Variants in PTPRT observed in about 807,000 individuals in gnomAD.
PTPRT encodes protein tyrosine phosphatase receptor type T, also known as receptor-type tyrosine-protein phosphatase T.
PTPRT carries 56 observed loss-of-function variants against 176.8 expected under a neutral mutation model. The observed-to-expected ratio is 0.32, with a 90% CI of 0.26 to 0.40. The LOEUF is 0.40. Ranked by LOEUF, PTPRT falls within the 10% of genes least tolerant of loss-of-function variation. The pLI is 1.00. For missense variants in PTPRT, 1,540 were observed against 1,908.2 expected (o/e 0.81, Z 3.60); for synonymous variants, 783 against 739.0 (o/e 1.06, Z -0.96).
chr20:43,015,353 T>C (rs971521758), intron 1 of PTPRT, among the ~76,000 whole-genome samples: 1 of 152,176 alleles, frequency 6.6e-6, no homozygotes, highest in African/African-American at 2.4e-5. Flanking sequence ...AAACAGAACA[T>C]AGTAGGTGTG....
intron 1 of PTPRT, among the ~76,000 whole-genome samples, chr20:42,950,902 G>T (rs1057270863): frequency 2.0e-5 from 3 of 152,176 alleles, no homozygotes; most frequent in African/African-American, 7.2e-5. Flanking sequence ...TTTAGATGAA[G>T]GTCCAAATTT....
intron 9 of PTPRT, among the ~76,000 whole-genome samples, chr20:42,391,600 C>T (rs537472875): frequency 4.8e-4 from 73 of 152,180 alleles, no homozygotes; most frequent in African/African-American, 1.4e-3. Context: ...TGATAGGGTA[C>T]GCCACAGTTT....
intron 21 of PTPRT, among the ~76,000 whole-genome samples, chr20:42,117,016 C>G (rs935051552): frequency 6.6e-6 from 1 of 152,190 alleles, no homozygotes; most frequent in Non-Finnish European, 1.5e-5. Context: ...GGAGTGACCA[C>G]AAGCACTGGA....
intron 13 of PTPRT, among the ~76,000 whole-genome samples, chr20:42,280,114 C>T (rs181010709): frequency 3.6e-4 from 54 of 151,416 alleles, no homozygotes; most frequent in African/African-American, 1.2e-3. Flanking sequence ...AAATTTGATC[C>T]GGGTGGTCAG....
intron 15 of PTPRT, among the ~76,000 whole-genome samples, chr20:42,211,981 G>A (rs1052171792): frequency 1.5e-5 from 2 of 131,676 alleles, no homozygotes; most frequent in African/African-American, 2.7e-5. Context: ...AAAATGATGA[G>A]TTCATGTCCT....
chr20:42,815,848 C>T (rs1216137788), intron 2 of PTPRT, among the ~76,000 whole-genome samples: 2 of 152,160 alleles, frequency 1.3e-5, no homozygotes, highest in South Asian at 4.1e-4. Context: ...GTATACCCAG[C>T]AAAACTATCA....
intron 4 of PTPRT, among the ~76,000 whole-genome samples, chr20:42,773,020 C>T (rs555830141): frequency 1.3e-5 from 2 of 152,296 alleles, no homozygotes; most frequent in Non-Finnish European, 2.9e-5. Flanking sequence ...TAGCCCCAAA[C>T]TCAGCATGTA....
At chr20:43,090,530 A>T (rs540953304) in intron 1 of PTPRT, among the ~76,000 whole-genome samples, 1 of 152,176 alleles carries the variant, frequency 6.6e-6, no homozygotes, top group African/African-American at 2.4e-5. Context: ...GGCCTCCCAA[A>T]GTGCCGGGAT....
chr20:42,956,938 A>C (rs942249282), intron 1 of PTPRT, among the ~76,000 whole-genome samples: 4 of 152,130 alleles, frequency 2.6e-5, no homozygotes, highest in African/African-American at 9.7e-5. Context: ...TCAACTCACC[A>C]ACCACCCCAG....
chr20:42,798,911 G>A (rs1284532640), intron 2 of PTPRT, among the ~76,000 whole-genome samples: 1 of 151,822 alleles, frequency 6.6e-6, no homozygotes, highest in Non-Finnish European at 1.5e-5. Flanking sequence ...TCTGCTAACC[G>A]GTGCTGGATA....
intron 1 of PTPRT, among the ~76,000 whole-genome samples, chr20:42,919,992 C>T (rs1344202073): frequency 6.6e-6 from 1 of 152,188 alleles, no homozygotes; most frequent in African/African-American, 2.4e-5. Flanking sequence ...TTTGTTACAA[C>T]TTCTGATCAT....
chr20:42,439,417 C>T lies in PTPRT; in HGVS notation c.1560+8803G>A, dbSNP rs550773658. 1.4e-4 allele frequency among the ~76,000 whole-genome samples: 22 copies of T among 152,240 alleles called. No individual in the cohort carries two copies. In the South Asian group the frequency reaches 1.5e-3, roughly 10 times the overall value. ...AACATGCAAAGGGATATTGACAGAA[C>T]GATACCTCCCTATGTTTCTTCAATT... On this transcript the variant is annotated intron_variant, in intron 9 of 30. Coordinates refer to ENST00000373187, the MANE Select transcript of PTPRT (RefSeq NM_007050.6).
At chr20:42,717,867 CTGTG>C (rs72024227) in intron 6 of PTPRT, among the ~76,000 whole-genome samples, 2,199 of 150,228 alleles carry the variant, frequency 0.015, 51 homozygotes, top group African/African-American at 0.051. Flanking sequence ...TCAAGATCAC[CTGTG>C]TGTGTGTGTG....
chr20:42,853,832 C>A (rs1292313084), intron 2 of PTPRT, among the ~76,000 whole-genome samples: 2 of 152,190 alleles, frequency 1.3e-5, no homozygotes, highest in Non-Finnish European at 2.9e-5. Flanking sequence ...CAGGATTGCG[C>A]CAGCAGGCTG....
chr20:43,057,319 G>GGGGGAAGGGGAGGGGAGC (rs1987285348), intron 1 of PTPRT, among the ~76,000 whole-genome samples: 1 of 110,194 alleles, frequency 9.1e-6, no homozygotes, highest in Admixed American at 9.1e-5. Flanking sequence ...GGAGGAGGAG[G>GGGGGAAGGGGAGGGGAGC]GGGGAAGGGG....
chr20:42,526,461 C>T (rs1378063915), intron 7 of PTPRT, among the ~76,000 whole-genome samples: 6 of 152,056 alleles, frequency 3.9e-5, no homozygotes, highest in African/African-American at 1.4e-4. Context: ...TGCTATTCTA[C>T]TTCACTCCTA....
intron 1 of PTPRT, among the ~76,000 whole-genome samples, chr20:43,024,948 C>T (rs933578479): frequency 6.6e-6 from 1 of 152,220 alleles, no homozygotes. Flanking sequence ...GTCTCTTGAC[C>T]ATGCTGTTCC....
intron 8 of PTPRT, among the ~76,000 whole-genome samples, chr20:42,456,844 T>C (rs763793833): frequency 6.6e-6 from 1 of 152,180 alleles, no homozygotes; most frequent in Non-Finnish European, 1.5e-5. Flanking sequence ...GCTTCTTCTT[T>C]TTCCTTTCTC....
At position 42,297,706 on chromosome 20, in the gene PTPRT, A is replaced by G. The variant is rs540617307; in HGVS notation, c.2140-15181T>C. Among the ~76,000 whole-genome samples, 12 of 152,310 alleles carry G rather than the reference A, an allele frequency of 7.9e-5. 1 individual carries two copies. In the East Asian group the frequency reaches 2.3e-3, roughly 29 times the overall value. ...GGTGGGATAGAATACGACATCCAGA[A>G]AAACACCCAAGAACATATGAAAATT... On this transcript the variant is annotated intron_variant, in intron 12 of 30. Transcript: ENST00000373187.
Sources: gnomAD v4.1 joint callset for allele counts (sites outside exome capture counted in the v4.1 genomes callset) on GRCh38, gnomAD v4.1.1 for gene constraint, MANE v1.5 for transcripts, NCBI Gene and HGNC (gene_info 2026-07-23, HGNC 2026-07-21) for gene names.